SKAP2: variants seen among roughly 807,000 people sequenced by gnomAD.
SKAP2 encodes src kinase-associated phosphoprotein 2.
In SKAP2, 28 loss-of-function variants were observed where a neutral mutation model predicts 54.9. The observed-to-expected ratio is 0.51, with a 90% confidence interval of 0.38 to 0.70. The LOEUF (loss-of-function observed/expected upper bound fraction) is 0.70, where lower values mean the gene tolerates loss of function less well. SKAP2 is among the 30% of genes least tolerant of loss of function. The pLI is 0.00. For missense variants in SKAP2, 356 were observed against 424.1 expected (o/e 0.84, Z 1.41); for synonymous variants, 137 against 134.3 (o/e 1.02, Z -0.14).
chr7:26,847,790 A>G (rs1784956584), intron 3 of SKAP2, among the ~76,000 whole-genome samples: 1 of 152,180 alleles, frequency 6.6e-6, no homozygotes, highest in Non-Finnish European at 1.5e-5. Context: ...TGATCAGTTT[A>G]AAAATACTTC....
At chr7:26,810,321 A>G (rs1784115685) in intron 4 of SKAP2, among the ~76,000 whole-genome samples, 1 of 152,140 alleles carries the variant, frequency 6.6e-6, no homozygotes, top group African/African-American at 2.4e-5. Flanking sequence ...AAGAAAAAAA[A>G]GGAAAGAAAA....
intron 1 of SKAP2, chr7:26,855,104 C>A (rs1479775414): frequency 3.0e-6 from 1 of 336,966 alleles, no homozygotes; most frequent in South Asian, 5.9e-5. Context: ...TTTGTAAGTT[C>A]TACTTATGCT....
At position 26,772,447 on chromosome 7, in the gene SKAP2, G is replaced by A. The variant is rs146873688; in HGVS notation, c.308-32483C>T. On this transcript the variant is annotated intron_variant, in intron 4 of 12. Coordinates refer to ENST00000345317, the MANE Select transcript of SKAP2 (RefSeq NM_003930.5). The stretch of plus-strand genomic sequence containing the variant: ...ATCTCTGTGTTCATGTGTACTCAAT[G>A]TTTAGCTCCCACTTACAAGTGAGAA... Among the ~76,000 whole-genome samples, 863 of 152,268 alleles carry A rather than the reference G, an allele frequency of 5.7e-3. 10 individuals carry two copies. The highest frequency in any genetic ancestry group is 0.056 in the South Asian group (269 of 4,820).
At chr7:26,744,755 A>AAC (rs944490580) in intron 4 of SKAP2, among the ~76,000 whole-genome samples, 4 of 150,438 alleles carry the variant, frequency 2.7e-5, no homozygotes, top group Middle Eastern at 3.4e-3. Flanking sequence ...CACACACACA[A>AAC]ACACACACAC....
chr7:26,814,677 G>A (rs935947461), intron 4 of SKAP2, among the ~76,000 whole-genome samples: 6 of 151,144 alleles, frequency 4.0e-5, no homozygotes, highest in Non-Finnish European at 7.4e-5. Flanking sequence ...AAACTCAAGA[G>A]AAACACTTTT....
At chr7:26,781,177 C>T (rs931351511) in intron 4 of SKAP2, among the ~76,000 whole-genome samples, 4 of 152,100 alleles carry the variant, frequency 2.6e-5, no homozygotes, top group African/African-American at 9.7e-5. Flanking sequence ...TATCCCTCAT[C>T]AACACAGAAT....
chr7:26,655,306 C>T, the SKAP2 span, among the ~76,000 whole-genome samples: 8 of 152,286 alleles, frequency 5.3e-5, no homozygotes, highest in Non-Finnish European at 8.8e-5. Flanking sequence ...TCCTCTTAAG[C>T]GGAGGCTTCT....
intron 4 of SKAP2, among the ~76,000 whole-genome samples, chr7:26,767,549 T>C (rs1783087808): frequency 6.6e-6 from 1 of 152,210 alleles, no homozygotes; most frequent in Non-Finnish European, 1.5e-5. Flanking sequence ...TTAAATGTGA[T>C]GTTAGGTTGT....
At chr7:26,779,725 A>AG (rs566421057) in intron 4 of SKAP2, among the ~76,000 whole-genome samples, 68 of 152,168 alleles carry the variant, frequency 4.5e-4, no homozygotes, top group South Asian at 8.3e-4. Flanking sequence ...AAAAATGTAG[A>AG]GGGAAAAATT....
chr7:26,673,167 C>G (rs145136719), intron 11 of SKAP2, among the ~76,000 whole-genome samples: 2 of 152,136 alleles, frequency 1.3e-5, no homozygotes, highest in East Asian at 3.9e-4. Flanking sequence ...TTGTCTAAAT[C>G]TTTGAAATGT....
At chr7:26,832,689 T>C (rs1231103419) in intron 4 of SKAP2, among the ~76,000 whole-genome samples, 5 of 151,994 alleles carry the variant, frequency 3.3e-5, no homozygotes, top group African/African-American at 4.8e-5. Flanking sequence ...AAACTGGTAA[T>C]CAAGAAAAGG....
At chr7:26,856,945 A>T in intron 1 of SKAP2, among the ~76,000 whole-genome samples, 1 of 151,608 alleles carries the variant, frequency 6.6e-6, no homozygotes, top group Non-Finnish European at 1.5e-5. Context: ...TTTCTTTAAA[A>T]GGTCATTTCA....
chr7:26,700,401 T>A (rs73686603), intron 9 of SKAP2, among the ~76,000 whole-genome samples: 74 of 152,282 alleles, frequency 4.9e-4, no homozygotes, highest in African/African-American at 1.7e-3. Context: ...CCATTAACTA[T>A]CTAGAATTTT....
intron 4 of SKAP2, among the ~76,000 whole-genome samples, chr7:26,745,536 A>G (rs901807391): frequency 1.3e-5 from 2 of 152,244 alleles, no homozygotes; most frequent in African/African-American, 4.8e-5. Context: ...AAACTCATGT[A>G]GTAAACTACC....
chr7:26,732,948 G>A (rs761957987), intron 6 of SKAP2, among the ~76,000 whole-genome samples: 1 of 152,072 alleles, frequency 6.6e-6, no homozygotes, highest in African/African-American at 2.4e-5. Context: ...TCTATATACT[G>A]TTAGAGAGTC....
intron 9 of SKAP2, among the ~76,000 whole-genome samples, chr7:26,708,833 TGTCTAGCA>T (rs1452162351): frequency 1.3e-5 from 2 of 152,224 alleles, no homozygotes; most frequent in African/African-American, 2.4e-5. Flanking sequence ...GTATCTCCAG[TGTCTAGCA>T]CAGTGCCTGA....
At chr7:26,655,469 GA>G in the SKAP2 span, among the ~76,000 whole-genome samples, 5 of 152,210 alleles carry the variant, frequency 3.3e-5, no homozygotes, top group East Asian at 7.7e-4. Flanking sequence ...ATTGTATGAT[GA>G]AAAAAATAAA....
intron 4 of SKAP2, among the ~76,000 whole-genome samples, chr7:26,802,924 G>A (rs913959748): frequency 3.3e-5 from 5 of 152,016 alleles, no homozygotes; most frequent in African/African-American, 1.2e-4. Flanking sequence ...ATATGGGAAA[G>A]AATGAAACTA....
At chr7:26,743,827 A>G (rs1476131583) in intron 4 of SKAP2, among the ~76,000 whole-genome samples, 1 of 152,198 alleles carries the variant, frequency 6.6e-6, no homozygotes, top group Non-Finnish European at 1.5e-5. Flanking sequence ...GAATTCAAAT[A>G]AACAAGTATC....
Sources: gnomAD v4.1 joint callset for allele counts (sites outside exome capture counted in the v4.1 genomes callset) on GRCh38, gnomAD v4.1.1 for gene constraint, MANE v1.5 for transcripts, NCBI Gene and HGNC (gene_info 2026-07-23, HGNC 2026-07-21) for gene names.